Variants in DMRT1 observed in about 807,000 individuals in gnomAD.
The protein encoded by DMRT1 is doublesex- and mab-3-related transcription factor 1.
Under a neutral mutation model 32.3 loss-of-function variants are expected in DMRT1, and 7 were observed. The ratio of observed to expected loss-of-function variants is 0.22; its 90% confidence interval spans 0.12 to 0.41. The LOEUF (loss-of-function observed/expected upper bound fraction) is 0.41, where lower values mean the gene tolerates loss of function less well. Ranked by LOEUF, DMRT1 falls within the 10% of genes least tolerant of loss-of-function variation. The probability of loss-of-function intolerance (pLI) is 1.00; values close to 1 mark genes in which losing one functional copy is unlikely to be tolerated. For missense variants in DMRT1, 625 were observed against 500.5 expected, an observed-to-expected ratio of 1.25 and a Z score of -2.37; for synonymous variants, 278 against 206.1, an observed-to-expected ratio of 1.35 and a Z score of -2.99.
intron 2 of DMRT1, among the ~76,000 whole-genome samples, chr9:892,954 G>A (rs1223905976): frequency 6.6e-6 from 1 of 151,912 alleles, no homozygotes; most frequent in African/African-American, 2.4e-5. Flanking sequence ...CCTGTGTCCT[G>A]CATCTTTTTT....
chr9:844,311 T>G (rs1278054991), intron 1 of DMRT1, among the ~76,000 whole-genome samples: 1 of 152,180 alleles, frequency 6.6e-6, no homozygotes, highest in Non-Finnish European at 1.5e-5. Context: ...AAATTGATCT[T>G]ACGTATGATT....
chr9:967,503 G>C (rs758022149), intron 4 of DMRT1, among the ~76,000 whole-genome samples: 1 of 152,160 alleles, frequency 6.6e-6, no homozygotes, highest in Non-Finnish European at 1.5e-5. Context: ...AGAAATAATA[G>C]TAAAGTTAAT....
chr9:966,281 T>C (rs2130019052), intron 4 of DMRT1, among the ~76,000 whole-genome samples: 1 of 152,352 alleles, frequency 6.6e-6, no homozygotes, highest in Non-Finnish European at 1.5e-5. Context: ...CTAGTTTTGG[T>C]TGCTATATTT....
At chr9:937,982 G>T (rs1233742966) in intron 4 of DMRT1, among the ~76,000 whole-genome samples, 1 of 151,682 alleles carries the variant, frequency 6.6e-6, no homozygotes, top group Non-Finnish European at 1.5e-5. Flanking sequence ...TATAGTTTTA[G>T]CTCTTAAGAT....
intron 4 of DMRT1, among the ~76,000 whole-genome samples, chr9:963,286 C>T (rs748893318): frequency 3.9e-5 from 6 of 152,216 alleles, no homozygotes; most frequent in South Asian, 2.1e-4. Context: ...CCTTCAAAAC[C>T]GATACTCGAT....
intron 4 of DMRT1, among the ~76,000 whole-genome samples, chr9:933,251 T>TTTC (rs1586636041): frequency 6.6e-6 from 1 of 152,294 alleles, no homozygotes; most frequent in Non-Finnish European, 1.5e-5. Context: ...GCTTAGGGTC[T>TTTC]TTCGGGCGAC....
In DMRT1 at chr9:842,201, G is replaced by C. The variant is rs746393828; in HGVS notation, c.354+9G>C. On this transcript the variant is annotated intron_variant, in intron 1 of 4. Transcript: ENST00000382276. Reference sequence around the variant, plus strand: ...GCGTGATGGCCGCGCAGGTGGGTGCGGGCGTGCGGGAGCCCGGGTTCAGCC... The same window carrying C: ...GCGTGATGGCCGCGCAGGTGGGTGCCGGCGTGCGGGAGCCCGGGTTCAGCC... 2.0e-6 allele frequency: 3 copies of C among 1,536,102 alleles called. No individual in the cohort carries two copies. Among genetic ancestry groups the C allele is most frequent in the Admixed American group, 2.0e-5 (1 of 50,862 alleles).
At chr9:873,133 T>C (rs1184983725) in intron 2 of DMRT1, among the ~76,000 whole-genome samples, 1 of 152,196 alleles carries the variant, frequency 6.6e-6, no homozygotes, top group Non-Finnish European at 1.5e-5. Context: ...GTGGTATTAT[T>C]TGTGGTTCTG....
chr9:873,284 G>T (rs1589482106), intron 2 of DMRT1, among the ~76,000 whole-genome samples: 2 of 151,300 alleles, frequency 1.3e-5, no homozygotes, highest in Non-Finnish European at 2.9e-5. Context: ...TTTTAAGTTT[G>T]AATTGTAAAA....
chr9:844,783 T>G (rs1838833251), intron 1 of DMRT1, among the ~76,000 whole-genome samples: 1 of 148,894 alleles, frequency 6.7e-6, no homozygotes, highest in Non-Finnish European at 1.5e-5. Flanking sequence ...TGCAGTGGCA[T>G]GATTTCAGCT....
At chr9:892,790 C>A (rs760296099) in intron 2 of DMRT1, among the ~76,000 whole-genome samples, 4 of 152,182 alleles carry the variant, frequency 2.6e-5, no homozygotes, top group African/African-American at 7.2e-5. Context: ...TTACCCTAGC[C>A]CATCTTTCAT....
At chr9:887,256 G>C (rs1816967343) in intron 2 of DMRT1, among the ~76,000 whole-genome samples, 1 of 152,202 alleles carries the variant, frequency 6.6e-6, no homozygotes, top group Admixed American at 6.5e-5. Context: ...AAGGAGATCT[G>C]CCAGTGATTT....
At chr9:907,406 A>T (rs530825212) in intron 3 of DMRT1, among the ~76,000 whole-genome samples, 2 of 152,262 alleles carry the variant, frequency 1.3e-5, no homozygotes, top group Non-Finnish European at 2.9e-5. Flanking sequence ...TCCTGCATAG[A>T]TTTCTCAAGA....
intron 3 of DMRT1, among the ~76,000 whole-genome samples, chr9:909,140 G>C (rs556771707): frequency 1.2e-4 from 19 of 152,120 alleles, no homozygotes; most frequent in Non-Finnish European, 2.2e-4. Flanking sequence ...GAGCGCAGGA[G>C]AGGAAGGGAG....
chr9:894,675 G>C (rs1280466757), intron 3 of DMRT1: 2 of 249,542 alleles, frequency 8.0e-6, no homozygotes, highest in Non-Finnish European at 1.6e-5. Flanking sequence ...GAAGGAAACA[G>C]GTCATAATCT....
chr9:896,043 T>C (rs1379016446), intron 3 of DMRT1, among the ~76,000 whole-genome samples: 3 of 151,998 alleles, frequency 2.0e-5, no homozygotes, highest in South Asian at 2.1e-4. Context: ...GCCCTTGTGA[T>C]TGGCCCACCT....
chr9:939,725 A>AGGAG (rs1819000197), intron 4 of DMRT1, among the ~76,000 whole-genome samples: 1 of 152,346 alleles, frequency 6.6e-6, no homozygotes, highest in South Asian at 2.1e-4. Flanking sequence ...CAAATAATGT[A>AGGAG]GGAGTGTACA....
At position 916,773 on chromosome 9, in the gene DMRT1, T is replaced by G. The variant is rs79631603; in HGVS notation, c.833T>G (p.Met278Arg). The G allele has an allele frequency of 6.2e-7, 1 of 1,614,172 alleles. No individual in the cohort carries two copies. Among genetic ancestry groups the G allele is most frequent in the South Asian group, 1.1e-5 (1 of 91,082 alleles). ...TTTTTTCTTAAGCAGATGAAGAACA[T>G]GGAGAACCGCCATGCAATGAGCTCC... ...QTGNQWQMKN[M>R]ENRHAMSSQY... Residue 278 changes from methionine to arginine, a missense_variant, in exon 4 of 5, where the codon ATG (methionine) becomes AGG (arginine). Physicochemically the swap from Met to Arg is moderately conservative, Grantham distance 91. Around this residue, in one of 3 missense-constraint regions of DMRT1, gnomAD observed 416 missense variants for 321.6 expected, o/e 1.29. Transcript: ENST00000382276.
intron 2 of DMRT1, among the ~76,000 whole-genome samples, chr9:878,788 A>G: frequency 6.6e-6 from 1 of 152,232 alleles, no homozygotes; most frequent in Non-Finnish European, 1.5e-5. Flanking sequence ...AACACGTGGC[A>G]GAGCCTTTCT....
Sources: allele counts gnomAD v4.1 joint callset (sites outside exome capture counted in the v4.1 genomes callset), GRCh38; gene constraint gnomAD v4.1.1; regional missense constraint gnomAD v4.1.1; transcripts MANE v1.5; gene names NCBI Gene and HGNC (gene_info 2026-07-23, HGNC 2026-07-21).